Variants in CHFR observed in about 807,000 individuals in gnomAD.
CHFR encodes E3 ubiquitin-protein ligase CHFR.
In CHFR, 57 loss-of-function variants were observed where a neutral mutation model predicts 87.6. The observed-to-expected ratio is 0.65, with a 90% CI of 0.53 to 0.81. The LOEUF is 0.81. Ranked by LOEUF, CHFR falls within the 30% of genes least tolerant of loss-of-function variation. The probability of loss-of-function intolerance (pLI) is 0.00; values close to 1 mark genes in which losing one functional copy is unlikely to be tolerated. For synonymous variants in CHFR, 381 were observed against 359.2 expected, an observed-to-expected ratio of 1.06 and a Z score of -0.69; for missense variants, 797 against 865.8, an observed-to-expected ratio of 0.92 and a Z score of 1.00.
chr12:132,844,065 T>C lies in CHFR; in HGVS notation c.1805A>G (p.Tyr602Cys). 1.9e-6 allele frequency: 3 copies of C among 1,613,726 alleles called. No individual in the cohort carries two copies. The highest frequency in any genetic ancestry group is 2.5e-6 in the Non-Finnish European group (3 of 1,179,762). The change falls in exon 16 of 18, where the codon TAT (tyrosine) becomes TGT (cysteine). Residue 602 changes from tyrosine to cysteine, a missense_variant. Tyr to Cys is a radical substitution (Grantham distance 194). Around this residue, in one of 2 missense-constraint regions of CHFR, gnomAD observed 200 missense variants for 264.6 expected, o/e 0.76. Transcript: ENST00000450056. ...AGCAGGAATGTTCTGCCGATACTGA[T>C]AGGTCAGCTCACGGAAGCTGCGCAG... ...CGLRSFRELT[Y>C]QYRQNIPASE...
Position 132,844,106 on chromosome 12 carries a change from C to T in CHFR, c.1764G>A (p.Leu588=). 6.2e-7 allele frequency: 1 copy of T among 1,613,582 alleles called. No homozygotes were observed. The highest frequency in any genetic ancestry group is 8.5e-7 in the Non-Finnish European group (1 of 1,179,568). ...AGCTGCGCAGGCCACAGCAGTAACA[C>T]AGAACGGTGTCTCCCGTGACTCTGT... is the stretch of plus-strand genomic sequence containing the variant. ...SDYRVTGDTV[L]CYCCGLRSFR... Residue 588 remains leucine, a synonymous_variant, in exon 16 of 18, where the codon CTG becomes CTA. Coordinates refer to ENST00000450056, the MANE Select transcript of CHFR (RefSeq NM_001161346.2).
At position 132,842,580 on chromosome 12, in the gene CHFR, C is replaced by T. The variant is rs541037549; in HGVS notation, c.1916+431G>A. Among the ~76,000 whole-genome samples, 175 of 152,320 alleles carry T rather than the reference C, an allele frequency of 1.1e-3. 2 individuals carry two copies. Among genetic ancestry groups the T allele is most frequent in the African/African-American group, 3.8e-3 (159 of 41,576 alleles). ...ACGCCTCCCAGGGCAATGCAGATGGCGCTGTGAACCTCCTTTAAGGAGCAC... is the reference window on the plus strand; with the variant it reads ...ACGCCTCCCAGGGCAATGCAGATGGTGCTGTGAACCTCCTTTAAGGAGCAC... On this transcript the variant is annotated intron_variant, in intron 17 of 17. Coordinates refer to ENST00000450056, the MANE Select transcript of CHFR (RefSeq NM_001161346.2).
At chr12:132,853,408 G>A (rs1416990156) in intron 11 of CHFR, 23 bp downstream of exon 11, 6 of 1,497,498 alleles carry the variant, frequency 4.0e-6, no homozygotes, top group African/African-American at 2.9e-5. Flanking sequence ...CGAAGGCTGA[G>A]GCCTGAGGGC....
chr12:132,857,555 G>A lies in CHFR; in HGVS notation c.916C>T (p.Gln306Ter), dbSNP rs1213141444. ...GCGCAGAACGTGTGCATGCAGGGCT[G>A]CAAACTGAAAGTGCAAGAGGAACAG... ...QDLLHDCVSL[Q>*]PCMHTFCAAC... Residue 306 changes from glutamine (Q) to a stop codon, truncating the protein, a stop_gained, in exon 9 of 18, where the codon CAG becomes TAG. Coordinates refer to ENST00000450056, the MANE Select transcript of CHFR (RefSeq NM_001161346.2). LOFTEE classifies it high-confidence loss of function. 1 of 1,613,702 alleles carries A rather than the reference G, an allele frequency of 6.2e-7. No homozygotes were observed. The highest frequency in any genetic ancestry group is 8.5e-7 in the Non-Finnish European group (1 of 1,179,810).
At chr12:132,864,414 A>G (rs375836961) in intron 6 of CHFR, among the ~76,000 whole-genome samples, 1 of 152,260 alleles carries the variant, frequency 6.6e-6, no homozygotes, top group African/African-American at 2.4e-5. Flanking sequence ...TAGCTGCTCA[A>G]TAAGCAGTAA....
intron 2 of CHFR, among the ~76,000 whole-genome samples, chr12:132,879,553 G>A (rs1024080220): frequency 6.6e-5 from 10 of 152,034 alleles, no homozygotes; most frequent in African/African-American, 1.9e-4. Flanking sequence ...ACCAGGGCCA[G>A]TTAATTTTTG....
chr12:132,843,775 C>G (rs1048575412), intron 16 of CHFR, among the ~76,000 whole-genome samples: 21 of 151,992 alleles, frequency 1.4e-4, no homozygotes, highest in Admixed American at 6.6e-5. Flanking sequence ...ATGGTGAAAC[C>G]CCGTCTCTAC....
At chr12:132,886,973 T>C (rs1951909889) in intron 2 of CHFR, among the ~76,000 whole-genome samples, 1 of 152,198 alleles carries the variant, frequency 6.6e-6, no homozygotes, top group Non-Finnish European at 1.5e-5. Flanking sequence ...CTGGAGAGTA[T>C]ATGAACACAA....
At chr12:132,880,738 G>A (rs901574444) in intron 2 of CHFR, among the ~76,000 whole-genome samples, 6 of 152,076 alleles carry the variant, frequency 3.9e-5, no homozygotes, top group Non-Finnish European at 8.8e-5. Flanking sequence ...AGGCCGAGGC[G>A]GGCGGATCAC....
intron 2 of CHFR, among the ~76,000 whole-genome samples, chr12:132,881,682 A>G (rs1448382175): frequency 2.0e-5 from 3 of 152,240 alleles, no homozygotes; most frequent in Non-Finnish European, 4.4e-5. Flanking sequence ...CCTGGCCAAC[A>G]TGGTGAAACC....
At chr12:132,875,263 C>T (rs1012510517) in intron 3 of CHFR, among the ~76,000 whole-genome samples, 2 of 152,184 alleles carry the variant, frequency 1.3e-5, no homozygotes, top group Admixed American at 6.5e-5. Context: ...CTGATCTTTA[C>T]CAAACAAAAA....
At chr12:132,881,100 C>T (rs922922470) in intron 2 of CHFR, among the ~76,000 whole-genome samples, 1 of 151,950 alleles carries the variant, frequency 6.6e-6, no homozygotes, top group African/African-American at 2.4e-5. Context: ...GACCCCATCT[C>T]GACTAAAAAT....
intron 8 of CHFR, 28 bp downstream of exon 8, chr12:132,859,040 C>T (rs978081759): frequency 4.4e-6 from 7 of 1,600,698 alleles, no homozygotes; most frequent in Middle Eastern, 1.7e-4. Flanking sequence ...TGCCATGTTC[C>T]GTGAGCCAAG....
At chr12:132,879,009 GTTT>G (rs71079148) in intron 2 of CHFR, among the ~76,000 whole-genome samples, 1 of 121,840 alleles carries the variant, frequency 8.2e-6, no homozygotes, top group Non-Finnish European at 1.8e-5. Flanking sequence ...GTTTTTGTTT[GTTT>G]TTTTTTTTTT....
intron 3 of CHFR, among the ~76,000 whole-genome samples, chr12:132,876,179 A>AG (rs1951628317): frequency 6.6e-6 from 1 of 152,112 alleles, no homozygotes; most frequent in African/African-American, 2.4e-5. Flanking sequence ...ATCTCAAAAA[A>AG]AAAAAAGAAA....
rs867840570 is a variant in CHFR, at chr12:132,837,024, T to C, written c.*4530A>G. 1.0e-4 allele frequency: 35 copies of C among 348,172 alleles called. No homozygotes were observed. The highest frequency in any genetic ancestry group is 1.0e-3 in the Middle Eastern group (1 of 970). The allele number at this position is 348,172 out of a possible 1,614,324, so 21.6% of individuals were successfully genotyped here. On this transcript the variant is annotated 3_prime_UTR_variant, in exon 18 of 18. Coordinates refer to ENST00000450056, the MANE Select transcript of CHFR (RefSeq NM_001161346.2). ...CTGGCTGGCGGGGTGGGGGCAGCCCTGCAGGAGCTGAATGAGGAGAGGCTG... is the reference window on the plus strand; with the variant it reads ...CTGGCTGGCGGGGTGGGGGCAGCCCCGCAGGAGCTGAATGAGGAGAGGCTG...
intron 10 of CHFR, among the ~76,000 whole-genome samples, chr12:132,855,924 C>T (rs925117062): frequency 6.6e-6 from 1 of 152,160 alleles, no homozygotes; most frequent in Non-Finnish European, 1.5e-5. Context: ...CGGTCTTGTG[C>T]ATTAGGAAAC....
Position 132,835,623 on chromosome 12 carries a change from A to T in CHFR, c.*5931T>A. On this transcript the variant is annotated 3_prime_UTR_variant, in exon 18 of 18. Coordinates refer to ENST00000450056, the MANE Select transcript of CHFR (RefSeq NM_001161346.2). The stretch of plus-strand genomic sequence containing the variant: ...TGCTGCCCACGAGCCAAGGAGACAG[A>T]CCAAAGAGGAACCGGCCCCGCTGAC... The T allele has an allele frequency of 5.3e-6, 1 of 189,942 alleles. No individual in the cohort carries two copies. The highest frequency in any genetic ancestry group is 1.1e-5 in the Non-Finnish European group (1 of 89,962). The allele number at this position is 189,942 out of a possible 1,614,324, so 11.8% of individuals were successfully genotyped here. A position where few individuals can be genotyped will look rare whatever the true frequency, so the allele number is the denominator to read the frequency against.
chr12:132,857,375 C>T (rs1281786445), intron 9 of CHFR, 30 bp downstream of exon 9: 4 of 1,610,450 alleles, frequency 2.5e-6, no homozygotes, highest in Non-Finnish European at 2.5e-6. Context: ...CCTCACGTGC[C>T]CGGGTGCTGG....
Sources: allele counts gnomAD v4.1 joint callset (sites outside exome capture counted in the v4.1 genomes callset), GRCh38; gene constraint gnomAD v4.1.1; regional missense constraint gnomAD v4.1.1; transcripts MANE v1.5; gene names NCBI Gene and HGNC (gene_info 2026-07-23, HGNC 2026-07-21).